Variants in RIMS2 observed in about 807,000 individuals in gnomAD.
The protein encoded by RIMS2 is regulating synaptic membrane exocytosis protein 2.
In RIMS2, 59 loss-of-function variants were observed where a neutral mutation model predicts 174.4. That is an observed-to-expected ratio of 0.34 (90% CI 0.27 to 0.42). The LOEUF is 0.42. Ranked by LOEUF, RIMS2 falls within the 10% of genes least tolerant of loss-of-function variation. RIMS2 has a pLI of 1.00. For synonymous variants in RIMS2, 606 were observed against 572.5 expected (o/e 1.06, Z -0.84); for missense variants, 1,620 against 1,666.3 (o/e 0.97, Z 0.48).
At chr8:104,229,086 C>A (rs2099208395) in intron 19 of RIMS2, among the ~76,000 whole-genome samples, 1 of 152,058 alleles carries the variant, frequency 6.6e-6, no homozygotes, top group Admixed American at 6.6e-5. Context: ...TAAAATTAAA[C>A]CTCAATTTGC....
At chr8:103,724,423 C>T (rs1217269560) in intron 2 of RIMS2, among the ~76,000 whole-genome samples, 2 of 152,090 alleles carry the variant, frequency 1.3e-5, no homozygotes, top group East Asian at 3.9e-4. Context: ...TTCTTTATCA[C>T]ATATGCTGGA....
intron 3 of RIMS2, among the ~76,000 whole-genome samples, chr8:103,869,451 C>T (rs1395054401): frequency 6.6e-6 from 1 of 152,056 alleles, no homozygotes; most frequent in Non-Finnish European, 1.5e-5. Flanking sequence ...CCCATCTTGG[C>T]CTCCCAAAGT....
intron 17 of RIMS2, among the ~76,000 whole-genome samples, chr8:104,000,497 G>A (rs546192884): frequency 2.2e-4 from 33 of 151,638 alleles, no homozygotes; most frequent in Non-Finnish European, 3.8e-4. Flanking sequence ...CTTGGCTATT[G>A]TAAATAGTGC....
chr8:103,749,404 G>T (rs143166629), intron 2 of RIMS2, among the ~76,000 whole-genome samples: 2 of 152,226 alleles, frequency 1.3e-5, no homozygotes, highest in African/African-American at 4.8e-5. Flanking sequence ...GAGCCACGGC[G>T]CCTGGCCACT....
intron 1 of RIMS2, among the ~76,000 whole-genome samples, chr8:103,528,478 C>T (rs1835213954): frequency 6.6e-6 from 1 of 152,146 alleles, no homozygotes; most frequent in Non-Finnish European, 1.5e-5. Context: ...TGCCTATGTC[C>T]TGAATGGTAT....
intron 3 of RIMS2, among the ~76,000 whole-genome samples, chr8:103,789,465 G>A (rs918180257): frequency 2.6e-5 from 4 of 152,112 alleles, no homozygotes; most frequent in Non-Finnish European, 4.4e-5. Context: ...AGTCAACCAA[G>A]GAGGGACCTT....
At chr8:104,071,566 C>T (rs10095150) in intron 19 of RIMS2, among the ~76,000 whole-genome samples, 55,239 of 152,016 alleles carry the variant, frequency 0.36, 11,812 homozygotes, top group East Asian at 0.75. Flanking sequence ...TCCTGAGTAG[C>T]TGGGACTACA....
intron 19 of RIMS2, among the ~76,000 whole-genome samples, chr8:104,155,185 C>G (rs1468784028): frequency 6.6e-6 from 1 of 152,052 alleles, no homozygotes; most frequent in Admixed American, 6.6e-5. Context: ...CACCTCACTG[C>G]AAGCTCCTCC....
chr8:103,667,166 A>G (rs983965504), intron 1 of RIMS2, among the ~76,000 whole-genome samples: 5 of 152,200 alleles, frequency 3.3e-5, no homozygotes, highest in Non-Finnish European at 5.9e-5. Context: ...CTATTTGTTA[A>G]TCCCCTACAA....
chr8:103,604,235 G>C (rs909963847), intron 1 of RIMS2, among the ~76,000 whole-genome samples: 2 of 151,098 alleles, frequency 1.3e-5, no homozygotes, highest in Non-Finnish European at 3.0e-5. Flanking sequence ...CGTTTTCCCA[G>C]CACCATTTAT....
chr8:103,732,858 G>C (rs2097623992), intron 2 of RIMS2, among the ~76,000 whole-genome samples: 1 of 152,104 alleles, frequency 6.6e-6, no homozygotes, highest in Non-Finnish European at 1.5e-5. Flanking sequence ...TTTTGACTCA[G>C]GGGAGGTCCA....
chr8:103,974,354 G>T (rs1374031686), intron 15 of RIMS2, among the ~76,000 whole-genome samples: 1 of 152,168 alleles, frequency 6.6e-6, no homozygotes, highest in Non-Finnish European at 1.5e-5. Context: ...CTAGCACGTA[G>T]TAAAAGGTCA....
At chr8:103,613,669 G>A (rs569433325) in intron 1 of RIMS2, among the ~76,000 whole-genome samples, 23 of 152,242 alleles carry the variant, frequency 1.5e-4, no homozygotes, top group African/African-American at 4.1e-4. Flanking sequence ...TAGTCAGTGC[G>A]TCTCAGACCC....
intron 3 of RIMS2, among the ~76,000 whole-genome samples, chr8:103,833,843 A>T (rs189291815): frequency 1.3e-5 from 2 of 152,212 alleles, no homozygotes; most frequent in East Asian, 3.9e-4. Flanking sequence ...GTTATCTCAC[A>T]GTCTTCATTG....
chr8:103,641,331 A>G (rs769850629), intron 1 of RIMS2, among the ~76,000 whole-genome samples: 1 of 152,162 alleles, frequency 6.6e-6, no homozygotes, highest in African/African-American at 2.4e-5. Flanking sequence ...AATCAGTGTC[A>G]TTGGGATGCT....
At chr8:104,210,825 A>G (rs2137675136) in intron 19 of RIMS2, among the ~76,000 whole-genome samples, 1 of 152,338 alleles carries the variant, frequency 6.6e-6, no homozygotes, top group East Asian at 1.9e-4. Context: ...ACCTGAAGCA[A>G]TATGTCCTAA....
chr8:103,680,696 G>T (rs2096869417), intron 1 of RIMS2, among the ~76,000 whole-genome samples: 1 of 151,934 alleles, frequency 6.6e-6, no homozygotes, highest in South Asian at 2.1e-4. Flanking sequence ...TCCAGTAAAG[G>T]ATATGAATAG....
chr8:103,610,182 G>T (rs2095317609), intron 1 of RIMS2, among the ~76,000 whole-genome samples: 1 of 152,120 alleles, frequency 6.6e-6, no homozygotes, highest in Non-Finnish European at 1.5e-5. Context: ...CATTGATTTT[G>T]TATTCTGAAA....
chr8:104,168,499 T>C (rs897752486), intron 19 of RIMS2, among the ~76,000 whole-genome samples: 4 of 152,160 alleles, frequency 2.6e-5, no homozygotes, highest in African/African-American at 4.8e-5. Context: ...GTTACTAATT[T>C]GAGTACCTTG....
Sources: allele counts gnomAD v4.1 joint callset (sites outside exome capture counted in the v4.1 genomes callset), GRCh38; gene constraint gnomAD v4.1.1; transcripts MANE v1.5; gene names NCBI Gene and HGNC (gene_info 2026-07-23, HGNC 2026-07-21).